NMNAT2: variants seen among roughly 807,000 people sequenced by gnomAD.
NMNAT2 encodes the protein nicotinamide nucleotide adenylyltransferase 2, also known as nicotinamide/nicotinic acid mononucleotide adenylyltransferase 2.
Under a neutral mutation model 41.6 loss-of-function variants are expected in NMNAT2, and 11 were observed. That is an observed-to-expected ratio of 0.26 (90% CI 0.17 to 0.44). NMNAT2 has a LOEUF of 0.44. Among genes scored for constraint, NMNAT2 ranks in the 20% least tolerant of loss-of-function variants. NMNAT2 has a pLI of 1.00. For synonymous variants in NMNAT2, 148 were observed against 151.2 expected, an observed-to-expected ratio of 0.98 and a Z score of 0.16; for missense variants, 288 against 407.7, an observed-to-expected ratio of 0.71 and a Z score of 2.53.
At chr1:183,411,275 A>T (rs572202186) in intron 1 of NMNAT2, among the ~76,000 whole-genome samples, 1 of 152,298 alleles carries the variant, frequency 6.6e-6, no homozygotes, top group South Asian at 2.1e-4. Context: ...TCTACCATAG[A>T]CTTGAGATGA....
At chr1:183,300,288 G>A (rs1186581191) in intron 1 of NMNAT2, among the ~76,000 whole-genome samples, 1 of 152,060 alleles carries the variant, frequency 6.6e-6, no homozygotes, top group African/African-American at 2.4e-5. Flanking sequence ...TGTAGTCCCA[G>A]CTACTTGGGA....
intron 1 of NMNAT2, 76 bp from the exon 2 acceptor site, chr1:183,293,869 T>A: frequency 9.8e-7 from 1 of 1,016,710 alleles, no homozygotes; most frequent in Non-Finnish European, 1.5e-6. Flanking sequence ...ATCAATACGC[T>A]CAGCTCTGTA....
At chr1:183,334,875 A>G (rs906446975) in intron 1 of NMNAT2, among the ~76,000 whole-genome samples, 9 of 151,918 alleles carry the variant, frequency 5.9e-5, no homozygotes, top group African/African-American at 2.2e-4. Context: ...GGGTTGGGAG[A>G]CTCCACGGTG....
chr1:183,351,761 G>A (rs180685592), intron 1 of NMNAT2, among the ~76,000 whole-genome samples: 1 of 152,196 alleles, frequency 6.6e-6, no homozygotes, highest in African/African-American at 2.4e-5. Context: ...TGGGTGAGCT[G>A]CTGGTCCTTC....
At chr1:183,381,523 C>T (rs1387609863) in intron 1 of NMNAT2, among the ~76,000 whole-genome samples, 10 of 152,058 alleles carry the variant, frequency 6.6e-5, no homozygotes, top group Admixed American at 6.6e-4. Context: ...AAGTGAAATC[C>T]TATCTCTACT....
intron 1 of NMNAT2, among the ~76,000 whole-genome samples, chr1:183,362,601 C>T (rs1443948712): frequency 1.3e-5 from 2 of 152,220 alleles, no homozygotes; most frequent in African/African-American, 4.8e-5. Context: ...TATGTATCAA[C>T]ACTATCCTCA....
intron 1 of NMNAT2, among the ~76,000 whole-genome samples, chr1:183,321,039 T>A (rs1395524853): frequency 1.3e-5 from 2 of 152,196 alleles, no homozygotes; most frequent in Non-Finnish European, 2.9e-5. Flanking sequence ...GAACCTTAGG[T>A]TTCTCCTCTA....
chr1:183,398,935 A>C (rs544727647), intron 1 of NMNAT2, among the ~76,000 whole-genome samples: 1 of 152,346 alleles, frequency 6.6e-6, no homozygotes, highest in East Asian at 1.9e-4. Context: ...AATTTATAGC[A>C]CTAAATGCCC....
rs532877975 is a variant in NMNAT2 at position 183,331,762 on chromosome 1, C to T, written c.86-37969G>A. Among the ~76,000 whole-genome samples, 55 of 152,236 alleles carry T rather than the reference C, an allele frequency of 3.6e-4. No individual in the cohort carries two copies. The East Asian group carries it at 9.7e-3, about 27-fold the overall frequency. On this transcript the variant is annotated intron_variant, in intron 1 of 10. Coordinates refer to ENST00000287713, the MANE Select transcript of NMNAT2 (RefSeq NM_015039.4). ...CCAGGCTACCCCATAGCCAGCCGCA[C>T]GCCCCACGGTGCATAGTTTTTTATT...
intron 1 of NMNAT2, among the ~76,000 whole-genome samples, chr1:183,398,325 T>A (rs1325950317): frequency 6.6e-6 from 1 of 152,180 alleles, no homozygotes. Context: ...GGCCAGTACA[T>A]AATGGTAAAG....
intron 1 of NMNAT2, among the ~76,000 whole-genome samples, chr1:183,400,922 A>T (rs6690052): frequency 0.41 from 62,799 of 151,988 alleles, 13,683 homozygotes; most frequent in East Asian, 0.64. Context: ...TTCAAGATGG[A>T]CTAAAGACTT....
chr1:183,291,653 C>T (rs1661542727), intron 3 of NMNAT2, among the ~76,000 whole-genome samples: 2 of 152,184 alleles, frequency 1.3e-5, no homozygotes, highest in Non-Finnish European at 1.5e-5. Flanking sequence ...TAACAGTCTC[C>T]TGCCCAGTGA....
In NMNAT2 at chr1:183,321,992, A is replaced by AT. The variant is rs776535743; in HGVS notation, c.86-28200dup. Among the ~76,000 whole-genome samples, 268 of 145,004 alleles carry AT rather than the reference A, an allele frequency of 1.8e-3. 3 individuals carry two copies. The highest frequency in any genetic ancestry group is 0.01 in the East Asian group (51 of 4,982). The stretch of plus-strand genomic sequence containing the variant: ...TTCCACCACATTTGGCTAATTTAAA[A>AT]TTTTTTTTTTTTTGTAGAGACAGGG... On this transcript the variant is annotated intron_variant, in intron 1 of 10. Coordinates refer to ENST00000287713, the MANE Select transcript of NMNAT2 (RefSeq NM_015039.4).
intron 1 of NMNAT2, among the ~76,000 whole-genome samples, chr1:183,312,837 C>T (rs920628452): frequency 2.0e-5 from 3 of 152,200 alleles, no homozygotes; most frequent in Non-Finnish European, 2.9e-5. Context: ...ATCAAATGAA[C>T]TAAGTCCCTA....
intron 1 of NMNAT2, among the ~76,000 whole-genome samples, chr1:183,378,959 C>T (rs1663736624): frequency 6.6e-6 from 1 of 152,120 alleles, no homozygotes; most frequent in African/African-American, 2.4e-5. Context: ...AGGAGAATCA[C>T]TTGAACCTGG....
chr1:183,413,790 G>A (rs1649184055), intron 1 of NMNAT2, among the ~76,000 whole-genome samples: 1 of 151,920 alleles, frequency 6.6e-6, no homozygotes, highest in Admixed American at 6.6e-5. Context: ...TGTGTTTTTA[G>A]TAGAGATGGG....
chr1:183,288,661 G>C (rs1297195475), intron 4 of NMNAT2, among the ~76,000 whole-genome samples: 1 of 152,238 alleles, frequency 6.6e-6, no homozygotes, highest in Admixed American at 6.5e-5. Flanking sequence ...TGGAGCCTGA[G>C]GCTTCTGTGT....
intron 1 of NMNAT2, among the ~76,000 whole-genome samples, chr1:183,379,092 A>ATCTATATCTATATCTATAT (rs142685154): frequency 8.7e-6 from 1 of 115,246 alleles, no homozygotes. Context: ...CTATATCTAT[A>ATCTATATCTATATCTATAT]ATCTATAATC....
intron 8 of NMNAT2, among the ~76,000 whole-genome samples, chr1:183,264,878 T>C (rs1261601641): frequency 1.3e-5 from 2 of 152,122 alleles, no homozygotes; most frequent in East Asian, 3.9e-4. Flanking sequence ...TGCTGGCTAC[T>C]CCTTTCTGGG....
Sources: gnomAD v4.1 joint callset for allele counts (sites outside exome capture counted in the v4.1 genomes callset) on GRCh38, gnomAD v4.1.1 for gene constraint, MANE v1.5 for transcripts, NCBI Gene and HGNC (gene_info 2026-07-23, HGNC 2026-07-21) for gene names.